Variants in RAC2 observed in about 807,000 individuals in gnomAD.
RAC2 encodes the protein Rac family small GTPase 2.
A neutral mutation model predicts 24.0 loss-of-function variants in RAC2; 1 was observed. That is an observed-to-expected ratio of 0.04 (90% CI 0.01 to 0.20). The LOEUF is 0.20. RAC2 is among the 10% of genes least tolerant of loss of function. The pLI, the probability that RAC2 is intolerant of heterozygous loss-of-function variation, is 1.00. For missense variants in RAC2, 130 were observed against 259.1 expected (o/e 0.50, Z 3.42); for synonymous variants, 114 against 106.8 (o/e 1.07, Z -0.41).
chr22:37,237,751 T>C (rs1013913277), intron 2 of RAC2, among the ~76,000 whole-genome samples: 5 of 151,972 alleles, frequency 3.3e-5, no homozygotes, highest in Non-Finnish European at 7.4e-5. Context: ...GCAACAGGAA[T>C]GGGCTCAGCT....
At chr22:37,230,464 C>CAG (rs57289360) in intron 5 of RAC2, among the ~76,000 whole-genome samples, 5,029 of 152,116 alleles carry the variant, frequency 0.033, 263 homozygotes, top group African/African-American at 0.11. Flanking sequence ...GGGACAGGAA[C>CAG]AGCCAGCAGG....
Position 37,244,008 on chromosome 22 carries a change from G to C in RAC2, c.35+106C>G, listed in dbSNP as rs1927485243. The C allele has an allele frequency of 4.7e-6, 7 of 1,475,938 alleles. 1 individual carries two copies. The South Asian group carries it at 8.0e-5, about 17-fold the overall frequency. The allele number at this position is 1,475,938 out of a possible 1,614,324, so 91.4% of individuals were successfully genotyped here. A position where few individuals can be genotyped will look rare whatever the true frequency, so the allele number is the denominator to read the frequency against. ...GCGTCCCCTCCAAGCTGCCTTCCAG[G>C]GACGCCTAGTTCTGCAGGGCCAGGG... On this transcript the variant is annotated intron_variant, in intron 1 of 6. Coordinates refer to ENST00000249071, the MANE Select transcript of RAC2 (RefSeq NM_002872.5).
intron 2 of RAC2, chr22:37,240,726 G>C: frequency 2.3e-6 from 1 of 426,804 alleles, no homozygotes; most frequent in Non-Finnish European, 4.4e-6. Context: ...ACTCTGGGGA[G>C]TGGAGACCCC....
chr22:37,229,284 G>A (rs1926983564), intron 5 of RAC2, among the ~76,000 whole-genome samples: 1 of 152,188 alleles, frequency 6.6e-6, no homozygotes, highest in Admixed American at 6.5e-5. Flanking sequence ...CTACAGAGAG[G>A]GCAAGGAGGG....
intron 5 of RAC2, among the ~76,000 whole-genome samples, chr22:37,230,246 C>T (rs1176904393): frequency 6.6e-6 from 1 of 151,276 alleles, no homozygotes; most frequent in Non-Finnish European, 1.5e-5. Flanking sequence ...CCAGGGCCCT[C>T]CCAGTTCCGG....
chr22:37,232,310 T>G, intron 3 of RAC2: 1 of 482,496 alleles, frequency 2.1e-6, no homozygotes, highest in African/African-American at 1.9e-5. Context: ...TTTGCCAACG[T>G]GCACTCTGGT....
chr22:37,236,325 C>T (rs1457520025), intron 2 of RAC2, among the ~76,000 whole-genome samples: 1 of 152,150 alleles, frequency 6.6e-6, no homozygotes, highest in Non-Finnish European at 1.5e-5. Flanking sequence ...GGTGTGACAC[C>T]CCTGAGGGTC....
intron 2 of RAC2, among the ~76,000 whole-genome samples, chr22:37,237,021 T>C (rs1045170487): frequency 3.3e-5 from 5 of 152,092 alleles, no homozygotes; most frequent in African/African-American, 9.7e-5. Context: ...AAACCCTGTC[T>C]CTACCAAAAA....
chr22:37,240,917 G>C (rs1255679553), intron 2 of RAC2: 1 of 670,080 alleles, frequency 1.5e-6, no homozygotes, highest in Admixed American at 2.2e-5. Flanking sequence ...AGGAGGCAGA[G>C]TGTGAAGCAA....
intron 2 of RAC2, among the ~76,000 whole-genome samples, chr22:37,235,647 G>T (rs1362037539): frequency 6.6e-6 from 1 of 152,200 alleles, no homozygotes; most frequent in Non-Finnish European, 1.5e-5. Flanking sequence ...GGGATTTCAG[G>T]AAGAAGGCGC....
chr22:37,241,718 G>T, intron 1 of RAC2, 60 bp from the exon 2 acceptor site: 1 of 1,486,768 alleles, frequency 6.7e-7, no homozygotes, highest in Non-Finnish European at 9.4e-7. Context: ...ACGTGGGGAG[G>T]TTTCTGCCTG....
At chr22:37,237,781 G>A (rs973023478) in intron 2 of RAC2, among the ~76,000 whole-genome samples, 24 of 152,206 alleles carry the variant, frequency 1.6e-4, no homozygotes, top group East Asian at 1.2e-3. Flanking sequence ...AAACTGGCGC[G>A]ATGGCAGGGA....
intron 5 of RAC2, among the ~76,000 whole-genome samples, chr22:37,229,053 G>A (rs552149372): frequency 7.6e-4 from 116 of 152,278 alleles, no homozygotes; most frequent in Non-Finnish European, 1.5e-3. Context: ...CCACATCTGC[G>A]TCCACTTCCC....
intron 2 of RAC2, chr22:37,241,134 G>T: frequency 1.3e-6 from 1 of 778,436 alleles, no homozygotes; most frequent in Non-Finnish European, 2.4e-6. Flanking sequence ...CCCTGCCTCC[G>T]CATCCTGCAA....
intron 2 of RAC2, chr22:37,241,107 T>C (rs1219883448): frequency 1.3e-6 from 1 of 776,386 alleles, no homozygotes; most frequent in East Asian, 2.4e-5. Context: ...ACACGCTCCC[T>C]CCACGTCCGA....
chr22:37,241,151 G>A (rs757928548), intron 2 of RAC2: 45 of 778,742 alleles, frequency 5.8e-5, no homozygotes, highest in East Asian at 4.9e-4. Context: ...GCAATAGAGC[G>A]CAGGGCCTCC....
At chr22:37,232,358 T>C (rs773281374) in intron 3 of RAC2, 218 of 436,764 alleles carry the variant, frequency 5.0e-4, no homozygotes, top group Admixed American at 7.8e-4. Flanking sequence ...CATACTCCAA[T>C]CCATATACTA....
intron 5 of RAC2, among the ~76,000 whole-genome samples, chr22:37,227,809 G>A (rs892609810): frequency 5.3e-5 from 8 of 151,894 alleles, no homozygotes; most frequent in South Asian, 4.2e-4. Context: ...TAACGTCACC[G>A]TGCCTCAGTT....
intron 5 of RAC2, among the ~76,000 whole-genome samples, chr22:37,227,535 AC>A (rs1225619305): frequency 2.3e-4 from 4 of 17,036 alleles, no homozygotes; most frequent in African/African-American, 1.4e-3. Context: ...CACGCCATAC[AC>A]CCCCTCCCAC....
Sources: gnomAD v4.1 joint callset for allele counts (sites outside exome capture counted in the v4.1 genomes callset) on GRCh38, gnomAD v4.1.1 for gene constraint, MANE v1.5 for transcripts, NCBI Gene and HGNC (gene_info 2026-07-23, HGNC 2026-07-21) for gene names.